The following ZNF397 variants were observed in gnomAD, a reference collection of about 807,000 sequenced individuals.
ZNF397 encodes zinc finger protein 397.
A neutral mutation model predicts 50.6 loss-of-function variants in ZNF397; 38 were observed. The observed-to-expected ratio is 0.75, with a 90% CI of 0.58 to 0.98. ZNF397 has a LOEUF of 0.98. Among genes scored for constraint, ZNF397 ranks in the 50% least tolerant of loss-of-function variants. ZNF397 has a pLI of 0.00. For missense variants in ZNF397, 624 were observed against 624.1 expected, an observed-to-expected ratio of 1.00 and a Z score of 0.00; for synonymous variants, 228 against 215.2, an observed-to-expected ratio of 1.06 and a Z score of -0.52.
downstream of ZNF397, chr18:35,254,489 A>G (rs1318176868): frequency 1.3e-5 from 20 of 1,561,528 alleles, 1 homozygote; most frequent in South Asian, 2.2e-4. Context: ...TATTAGGAGG[A>G]CAGTTCTCAA....
chr18:35,246,568 T>A lies in ZNF397; in HGVS notation c.*258T>A. ...AGGAATACTCAGGAAATACGAAAAG[T>A]GGGAATGTAACATTGAAACCTCATT... On this transcript the variant is annotated 3_prime_UTR_variant, in exon 4 of 4. Coordinates refer to ENST00000330501, the MANE Select transcript of ZNF397 (RefSeq NM_001135178.3). 1 of 1,248,104 alleles carries A rather than the reference T, an allele frequency of 8.0e-7. No homozygotes were observed. Among genetic ancestry groups the A allele is most frequent in the Middle Eastern group, 3.2e-4 (1 of 3,158 alleles). The allele number at this position is 1,248,104 out of a possible 1,614,324, so 77.3% of individuals were successfully genotyped here. A position where few individuals can be genotyped will look rare whatever the true frequency, so the allele number is the denominator to read the frequency against.
downstream of ZNF397, chr18:35,252,768 A>C (rs1275355702): frequency 6.6e-6 from 1 of 152,190 alleles, no homozygotes; most frequent in East Asian, 1.9e-4. Context: ...ATATATGCAT[A>C]TCCTATTAGC....
At chr18:35,259,105 C>T (rs1312036469), downstream of ZNF397, 2 of 152,418 alleles carry the variant, frequency 1.3e-5, no homozygotes, top group Non-Finnish European at 2.9e-5. Flanking sequence ...AATCTCTTTT[C>T]TCACAATTCT....
In ZNF397 at chr18:35,245,793, A is replaced by G; in HGVS notation, c.1088A>G (p.His363Arg). ...SSALIRHRKI[H>R]TGEKACKCNE... ...GCCCTCATTAGACATCGGAAAATCC[A>G]TACTGGTGAGAAAGCTTGTAAATGT... The change falls in exon 4 of 4, where the codon CAT (histidine) becomes CGT (arginine). Residue 363 changes from histidine to arginine, a missense_variant. Physicochemically the swap from His to Arg is conservative, Grantham distance 29. Transcript: ENST00000330501. 6.4e-7 allele frequency: 1 copy of G among 1,552,254 alleles called. No homozygotes were observed. Among genetic ancestry groups the G allele is most frequent in the Non-Finnish European group, 8.7e-7 (1 of 1,147,180 alleles).
downstream of ZNF397, chr18:35,254,534 C>A (rs527917889): frequency 2.8e-6 from 4 of 1,433,680 alleles, no homozygotes; most frequent in South Asian, 3.8e-5. Flanking sequence ...AGAGAAGTGG[C>A]CTGGGGTAGC....
chr18:35,243,585 G>A (rs1041407662), intron 3 of ZNF397: 16 of 597,792 alleles, frequency 2.7e-5, no homozygotes, highest in Non-Finnish European at 4.7e-5. Flanking sequence ...GGTCTAGGTG[G>A]GTGATGGACA....
intron 5 of ZNF397, chr18:35,257,830 A>C (rs2043891057): frequency 1.0e-5 from 8 of 776,288 alleles, no homozygotes; most frequent in Non-Finnish European, 1.9e-5. Context: ...CGGCCCATGA[A>C]ATGCTCCAAG....
Position 35,246,648 on chromosome 18 carries a change from G to T in ZNF397, c.*338G>T. 9.6e-7 allele frequency: 1 copy of T among 1,040,270 alleles called. No individual in the cohort carries two copies. Among genetic ancestry groups the T allele is most frequent in the Non-Finnish European group, 1.2e-6 (1 of 864,200 alleles). The allele number at this position is 1,040,270 out of a possible 1,614,324, so 64.4% of individuals were successfully genotyped here. A position where few individuals can be genotyped will look rare whatever the true frequency, so the allele number is the denominator to read the frequency against. ...CCAGGCTCTGTCACTGCATCTGATT[G>T]TTAGTGTGCCAGGTTATGGGGCTGG... On this transcript the variant is annotated 3_prime_UTR_variant, in exon 4 of 4. Coordinates refer to ENST00000330501, the MANE Select transcript of ZNF397 (RefSeq NM_001135178.3).
At chr18:35,253,727 T>C (rs779185903), downstream of ZNF397, 2 of 1,614,192 alleles carry the variant, frequency 1.2e-6, no homozygotes, top group East Asian at 2.2e-5. Context: ...AATTTTCTTA[T>C]GCTGAATAAG....
intron 5 of ZNF397, chr18:35,256,164 A>G (rs2043805665): frequency 6.6e-6 from 1 of 152,482 alleles, no homozygotes; most frequent in Admixed American, 6.5e-5. Flanking sequence ...CATCAGGAAG[A>G]CATCAAGATT....
Position 35,247,154 on chromosome 18 carries a change from G to A in ZNF397, c.*844G>A. On this transcript the variant is annotated 3_prime_UTR_variant, in exon 4 of 4. Coordinates refer to ENST00000330501, the MANE Select transcript of ZNF397 (RefSeq NM_001135178.3). ...TGAGTTCCTGTTGTAGTGAGGTCTT[G>A]TCTGTCAGAGAAGTCTGGGTCTGGC... The A allele has an allele frequency of 1.0e-5, 10 of 985,526 alleles. No homozygotes were observed. The highest frequency in any genetic ancestry group is 1.2e-5 in the Non-Finnish European group (10 of 829,998). 61.0% of individuals were successfully genotyped at this position (985,526 alleles called of 1,614,324 possible).
chr18:35,254,302 C>T (rs765637130), downstream of ZNF397: 173 of 1,613,956 alleles, frequency 1.1e-4, no homozygotes, highest in Middle Eastern at 1.6e-4. Flanking sequence ...GTTTTCCCGG[C>T]GATATCATAG....
At chr18:35,251,158 T>C (rs545180078), downstream of ZNF397, 14 of 152,212 alleles carry the variant, frequency 9.2e-5, no homozygotes, top group Non-Finnish European at 1.0e-4. Context: ...AAAAATCATT[T>C]ACTAAACAGT....
Position 35,243,542 on chromosome 18 carries a change from C to T in ZNF397, c.556+249C>T. On this transcript the variant is annotated intron_variant, in intron 3 of 3. Coordinates refer to ENST00000330501, the MANE Select transcript of ZNF397 (RefSeq NM_001135178.3). ...AACTTTATAAAGCGTCAATACATGT[C>T]TGGTACTGTGGTAGGCCCCAGGAGA... is the stretch of plus-strand genomic sequence containing the variant. The T allele has an allele frequency of 4.8e-6, 3 of 630,894 alleles. No individual in the cohort carries two copies. The South Asian group carries it at 5.9e-5, about 12-fold the overall frequency. 39.1% of individuals were successfully genotyped at this position (630,894 alleles called of 1,614,324 possible).
At chr18:35,254,548 A>T (rs1411688293), downstream of ZNF397, 32 of 1,256,516 alleles carry the variant, frequency 2.5e-5, no homozygotes, top group Non-Finnish European at 3.3e-5. Context: ...GGGTAGCCAA[A>T]TATGGCCCCC....
chr18:35,254,469 G>A (rs542856066), downstream of ZNF397: 2 of 1,596,612 alleles, frequency 1.3e-6, no homozygotes, highest in African/African-American at 1.3e-5. Context: ...CAATGAAATA[G>A]GTATTTATTT....
intron 1 of ZNF397, 59 bp from the exon 2 acceptor site, chr18:35,242,332 T>G: frequency 2.6e-6 from 2 of 764,738 alleles, no homozygotes; most frequent in Non-Finnish European, 4.2e-6. Context: ...ATCTTTCTTA[T>G]TACAAGTACT....
At chr18:35,253,949 T>G (rs1483352329), downstream of ZNF397, 1 of 1,614,182 alleles carries the variant, frequency 6.2e-7, no homozygotes, top group Non-Finnish European at 8.5e-7. Context: ...TTTACATGCA[T>G]AAGGTCTCTC....
chr18:35,246,595 T>C lies in ZNF397; in HGVS notation c.*285T>C, dbSNP rs1280464287. ...GGAATGTAACATTGAAACCTCATTT[T>C]GTATGAAAGTGTCATGAATATAGCA... On this transcript the variant is annotated 3_prime_UTR_variant, in exon 4 of 4. Transcript: ENST00000330501. 1 of 1,171,850 alleles carries C rather than the reference T, an allele frequency of 8.5e-7. No individual in the cohort carries two copies. Among genetic ancestry groups the C allele is most frequent in the Non-Finnish European group, 1.1e-6 (1 of 948,056 alleles). The allele number at this position is 1,171,850 out of a possible 1,614,324, so 72.6% of individuals were successfully genotyped here.
Sources: allele counts gnomAD v4.1 joint callset, GRCh38; gene constraint gnomAD v4.1.1; transcripts MANE v1.5; gene names NCBI Gene and HGNC (gene_info 2026-07-23, HGNC 2026-07-21).